The following EXOC4 variants were observed in gnomAD, a reference collection of about 807,000 sequenced individuals.
EXOC4 encodes exocyst complex component 4.
EXOC4 carries 71 observed loss-of-function variants against 107.2 expected under a neutral mutation model. The observed-to-expected ratio is 0.66, with a 90% confidence interval of 0.55 to 0.81. The LOEUF is 0.81. Among genes scored for constraint, EXOC4 ranks in the 30% least tolerant of loss-of-function variants. The probability of loss-of-function intolerance (pLI) is 0.00; values close to 1 mark genes in which losing one functional copy is unlikely to be tolerated. For missense variants in EXOC4, 1,108 were observed against 1,189.6 expected (o/e 0.93, Z 1.01); for synonymous variants, 456 against 441.2 (o/e 1.03, Z -0.42).
At chr7:134,007,922 G>A in intron 17 of EXOC4, 87 bp downstream of exon 17, 2 of 1,229,160 alleles carry the variant, frequency 1.6e-6, no homozygotes, top group Non-Finnish European at 2.2e-6. Flanking sequence ...GACTCTTGGT[G>A]CAGAAAAAGC....
intron 17 of EXOC4, among the ~76,000 whole-genome samples, chr7:134,043,422 G>A (rs1795570976): frequency 6.6e-6 from 1 of 152,176 alleles, no homozygotes. Context: ...ACACCCCCCA[G>A]CCTGAGAAAA....
At chr7:133,845,019 T>C (rs1798095875) in intron 11 of EXOC4, among the ~76,000 whole-genome samples, 1 of 152,220 alleles carries the variant, frequency 6.6e-6, no homozygotes, top group Non-Finnish European at 1.5e-5. Context: ...AAGTTGTATC[T>C]TAACATTGAA....
chr7:134,078,496 A>G, the EXOC4 span, among the ~76,000 whole-genome samples: 1 of 152,242 alleles, frequency 6.6e-6, no homozygotes, highest in East Asian at 1.9e-4. Context: ...CTATTTCAGT[A>G]CCATTTATTA....
intron 11 of EXOC4, among the ~76,000 whole-genome samples, chr7:133,870,097 A>G (rs926040503): frequency 6.6e-6 from 1 of 152,194 alleles, no homozygotes; most frequent in Non-Finnish European, 1.5e-5. Context: ...ATACTGTGCT[A>G]TATCTAGTGA....
the EXOC4 span, among the ~76,000 whole-genome samples, chr7:134,083,993 T>G: frequency 1.3e-5 from 2 of 152,302 alleles, no homozygotes; most frequent in Non-Finnish European, 2.9e-5. Context: ...ACTTCTTTCT[T>G]TATAGGAAGT....
intron 17 of EXOC4, among the ~76,000 whole-genome samples, chr7:134,035,915 C>G (rs1795376932): frequency 6.6e-6 from 1 of 152,182 alleles, no homozygotes; most frequent in South Asian, 2.1e-4. Flanking sequence ...GACTTCCTCC[C>G]ATGTCCTGTT....
At chr7:133,961,078 G>A (rs1473628933) in intron 14 of EXOC4, among the ~76,000 whole-genome samples, 1 of 152,040 alleles carries the variant, frequency 6.6e-6, no homozygotes, top group African/African-American at 2.4e-5. Context: ...TGAGCCCAGT[G>A]TAATTTAAGG....
intron 9 of EXOC4, among the ~76,000 whole-genome samples, chr7:133,523,726 A>C (rs1800025934): frequency 6.6e-6 from 1 of 152,066 alleles, no homozygotes; most frequent in Non-Finnish European, 1.5e-5. Context: ...GTTTACTGAG[A>C]ATGATGATTT....
intron 2 of EXOC4, among the ~76,000 whole-genome samples, chr7:133,288,420 C>A (rs1474490450): frequency 2.0e-5 from 3 of 152,094 alleles, no homozygotes; most frequent in Non-Finnish European, 4.4e-5. Context: ...TGCCTACTTT[C>A]TTTTGGAAGC....
chr7:133,429,258 A>T (rs1797798766), intron 7 of EXOC4, among the ~76,000 whole-genome samples: 1 of 152,222 alleles, frequency 6.6e-6, no homozygotes, highest in African/African-American at 2.4e-5. Context: ...ATCTAAAATA[A>T]GGAACCAAGT....
At chr7:133,428,517 C>T (rs1326507991) in intron 7 of EXOC4, among the ~76,000 whole-genome samples, 2 of 152,164 alleles carry the variant, frequency 1.3e-5, no homozygotes, top group African/African-American at 4.8e-5. Flanking sequence ...CTATTCTGTT[C>T]TATTCTGTTC....
intron 1 of EXOC4, among the ~76,000 whole-genome samples, chr7:133,270,338 A>G (rs529938708): frequency 6.6e-6 from 1 of 152,300 alleles, no homozygotes; most frequent in South Asian, 2.1e-4. Context: ...TGTTTTTGCA[A>G]TAAATTAATT....
rs188790108 is a variant in EXOC4, at chr7:133,528,178, A to G, written c.1417+48040A>G. Among the ~76,000 whole-genome samples the G allele has an allele frequency of 1.3e-3, 202 of 152,326 alleles. 2 individuals are homozygous for G. The highest frequency in any genetic ancestry group is 4.6e-3 in the African/African-American group (190 of 41,578). On this transcript the variant is annotated intron_variant, in intron 9 of 17. Coordinates refer to ENST00000253861, the MANE Select transcript of EXOC4 (RefSeq NM_021807.4). ...ACAGGTGGTATCTATGTGACATGAT[A>G]GAACACCTCATTGTATTAAAAACAA...
At chr7:133,556,655 G>T (rs560464108) in intron 9 of EXOC4, among the ~76,000 whole-genome samples, 56 of 152,286 alleles carry the variant, frequency 3.7e-4, no homozygotes, top group African/African-American at 1.3e-3. Flanking sequence ...CCTACACAGG[G>T]AATGTTACGA....
intron 10 of EXOC4, among the ~76,000 whole-genome samples, chr7:133,786,034 A>G (rs373226024): frequency 2.0e-5 from 3 of 152,200 alleles, no homozygotes; most frequent in African/African-American, 7.2e-5. Context: ...TTCTTACTTC[A>G]TACTTCAACT....
At chr7:133,771,764 T>G (rs181047246) in intron 10 of EXOC4, among the ~76,000 whole-genome samples, 1 of 152,080 alleles carries the variant, frequency 6.6e-6, no homozygotes, top group East Asian at 1.9e-4. Context: ...GAAGTTGTTT[T>G]AAATCCATCA....
intron 4 of EXOC4, among the ~76,000 whole-genome samples, chr7:133,313,083 C>T (rs1332963058): frequency 6.8e-6 from 1 of 146,170 alleles, no homozygotes; most frequent in Non-Finnish European, 1.5e-5. Flanking sequence ...ACTATTTTGT[C>T]TTTTAAAGAT....
chr7:133,986,644 AG>A, intron 14 of EXOC4, among the ~76,000 whole-genome samples: 1 of 152,344 alleles, frequency 6.6e-6, no homozygotes, highest in South Asian at 2.1e-4. Context: ...AAAAACCGGT[AG>A]GCTTCATAAA....
intron 15 of EXOC4, among the ~76,000 whole-genome samples, chr7:134,001,084 G>A (rs1426186699): frequency 1.3e-5 from 2 of 152,126 alleles, no homozygotes; most frequent in African/African-American, 2.4e-5. Flanking sequence ...CCTTTCCACA[G>A]TTTGAAGCAT....
Sources: allele counts gnomAD v4.1 joint callset (sites outside exome capture counted in the v4.1 genomes callset), GRCh38; gene constraint gnomAD v4.1.1; transcripts MANE v1.5; gene names NCBI Gene and HGNC (gene_info 2026-07-23, HGNC 2026-07-21).